TNKS2: variants seen among roughly 807,000 people sequenced by gnomAD.
The protein encoded by TNKS2 is tankyrase 2.
Under a neutral mutation model 137.6 loss-of-function variants are expected in TNKS2, and 72 were observed. That is an observed-to-expected ratio of 0.52 (90% CI 0.43 to 0.64). The LOEUF is 0.64. Among genes scored for constraint, TNKS2 ranks in the 30% least tolerant of loss-of-function variants. TNKS2 has a pLI of 0.00. For synonymous variants in TNKS2, 516 were observed against 512.1 expected (o/e 1.01, Z -0.10); for missense variants, 1,049 against 1,410.2 (o/e 0.74, Z 4.10).
intron 1 of TNKS2, among the ~76,000 whole-genome samples, chr10:91,805,422 A>G (rs1844295826): frequency 6.6e-6 from 1 of 152,134 alleles, no homozygotes; most frequent in Non-Finnish European, 1.5e-5. Context: ...TTCTACCCAT[A>G]TCGATCGCCT....
chr10:91,828,233 A>AAT, intron 8 of TNKS2, 52 bp from the exon 9 acceptor site: 1 of 1,415,124 alleles, frequency 7.1e-7, no homozygotes, highest in Non-Finnish European at 9.3e-7. Context: ...CTTTTAGATA[A>AAT]GGCTTTTCAA....
intron 1 of TNKS2, among the ~76,000 whole-genome samples, chr10:91,809,472 T>C (rs1027213828): frequency 1.0e-3 from 154 of 151,944 alleles, no homozygotes; most frequent in African/African-American, 3.3e-3. Flanking sequence ...CGAGACCATC[T>C]TGGCTAACAC....
chr10:91,839,314 A>G (rs1842136961), intron 13 of TNKS2, among the ~76,000 whole-genome samples: 2 of 150,926 alleles, frequency 1.3e-5, no homozygotes, highest in Admixed American at 1.3e-4. Context: ...AATTCTCCCC[A>G]GGACTGTATA....
intron 3 of TNKS2, 120 bp downstream of exon 3, chr10:91,817,349 A>G (rs949948911): frequency 3.6e-5 from 20 of 552,578 alleles, no homozygotes; most frequent in Admixed American, 1.7e-4. Context: ...TCAGTTCAGT[A>G]GCTATCCTTT....
At chr10:91,803,743 C>T (rs556735591) in intron 1 of TNKS2, among the ~76,000 whole-genome samples, 10 of 152,206 alleles carry the variant, frequency 6.6e-5, no homozygotes, top group Non-Finnish European at 1.2e-4. Flanking sequence ...TTATACCTTC[C>T]AATCTCCCAG....
chr10:91,854,409 A>T (rs1842642211), intron 21 of TNKS2, among the ~76,000 whole-genome samples: 1 of 152,174 alleles, frequency 6.6e-6, no homozygotes, highest in African/African-American at 2.4e-5. Context: ...ACTGGTTTTG[A>T]TCCTAGAACA....
In TNKS2 at chr10:91,863,582, T is replaced by C. The variant is rs1219562894; in HGVS notation, c.*583T>C. The C allele has an allele frequency of 1.3e-5, 2 of 152,328 alleles. No individual in the cohort carries two copies. Among genetic ancestry groups the C allele is most frequent in the Non-Finnish European group, 2.9e-5 (2 of 68,026 alleles). 9.4% of individuals were successfully genotyped at this position (152,328 alleles called of 1,614,324 possible). ...TCCAGAGGCTATGTTCAGTTGTTAG[T>C]TGGGAAAGATTGAGTTATCAGATTT... On this transcript the variant is annotated 3_prime_UTR_variant, in exon 27 of 27. Coordinates refer to ENST00000371627, the MANE Select transcript of TNKS2 (RefSeq NM_025235.4).
intron 1 of TNKS2, among the ~76,000 whole-genome samples, chr10:91,799,244 C>G (rs894175803): frequency 1.3e-5 from 2 of 152,156 alleles, no homozygotes; most frequent in African/African-American, 4.8e-5. Flanking sequence ...GTTGATAGAC[C>G]TTATGATTTA....
intron 1 of TNKS2, among the ~76,000 whole-genome samples, chr10:91,804,615 G>A (rs1844268084): frequency 6.6e-6 from 1 of 152,186 alleles, no homozygotes; most frequent in South Asian, 2.1e-4. Context: ...TGGCCAGTGA[G>A]AACATGATCA....
At position 91,848,445 on chromosome 10, in the gene TNKS2, C is replaced by T. The variant is rs1458159460; in HGVS notation, c.2421C>T (p.Tyr807=). 2 of 1,614,100 alleles carry T rather than the reference C, an allele frequency of 1.2e-6. No individual in the cohort carries two copies. Among genetic ancestry groups the T allele is most frequent in the African/African-American group, 2.7e-5 (2 of 74,940 alleles). ...AMPPSALPSC[Y]KPQVLNGVRS... Reference sequence around the variant, plus strand: ...CCCCATCTGCTCTGCCCTCTTGTTACAAGCCTCAAGTGCTCAATGGTGTGA... The same window carrying T: ...CCCCATCTGCTCTGCCCTCTTGTTATAAGCCTCAAGTGCTCAATGGTGTGA... The change falls in exon 19 of 27, where the codon TAC becomes TAT. Residue 807 remains tyrosine, a synonymous_variant. Transcript: ENST00000371627.
intron 7 of TNKS2, among the ~76,000 whole-genome samples, chr10:91,823,628 C>G (rs527798695): frequency 4.6e-4 from 70 of 152,050 alleles, no homozygotes; most frequent in South Asian, 1.2e-3. Context: ...ACACCCAGTC[C>G]AAAACTTCCC....
At chr10:91,811,152 C>T (rs1190441215) in intron 1 of TNKS2, among the ~76,000 whole-genome samples, 15 of 151,806 alleles carry the variant, frequency 9.9e-5, no homozygotes, top group Admixed American at 9.8e-4. Flanking sequence ...TCTCGAACTC[C>T]TGACCTCGTG....
At chr10:91,826,628 A>G (rs1018789737) in intron 7 of TNKS2, among the ~76,000 whole-genome samples, 1 of 152,222 alleles carries the variant, frequency 6.6e-6, no homozygotes, top group Non-Finnish European at 1.5e-5. Context: ...ATTCTGGGGT[A>G]ATGAAAGTGT....
chr10:91,806,898 G>T (rs1044209654), intron 1 of TNKS2, among the ~76,000 whole-genome samples: 1 of 152,194 alleles, frequency 6.6e-6, no homozygotes, highest in Non-Finnish European at 1.5e-5. Context: ...AAATTTGCCA[G>T]AGAAACAATT....
chr10:91,842,045 A>G, intron 15 of TNKS2, 127 bp from the exon 16 acceptor site: 1 of 556,972 alleles, frequency 1.8e-6, no homozygotes, highest in Non-Finnish European at 3.2e-6. Flanking sequence ...AGTGATGTTA[A>G]CCTTCAAAGT....
intron 21 of TNKS2, among the ~76,000 whole-genome samples, chr10:91,852,177 G>A (rs1252506181): frequency 6.6e-6 from 1 of 151,556 alleles, no homozygotes; most frequent in Non-Finnish European, 1.5e-5. Flanking sequence ...GCAGTGAGTG[G>A]AGATCACACC....
intron 16 of TNKS2, among the ~76,000 whole-genome samples, chr10:91,842,954 GAATCATTATTCCAGGT>G (rs1842259738): frequency 6.6e-6 from 1 of 152,074 alleles, no homozygotes; most frequent in African/African-American, 2.4e-5. Flanking sequence ...TGTGCTTTGG[GAATCATTATTCCAGGT>G]AATCATTTTA....
chr10:91,814,475 T>G (rs1352981036), intron 2 of TNKS2, among the ~76,000 whole-genome samples: 1 of 152,160 alleles, frequency 6.6e-6, no homozygotes, highest in East Asian at 1.9e-4. Flanking sequence ...CATAGCTAAG[T>G]GTGCAGTGTT....
At chr10:91,862,229 T>C (rs1379144953) in intron 26 of TNKS2, 74 bp downstream of exon 26, 1 of 1,234,792 alleles carries the variant, frequency 8.1e-7, no homozygotes, top group Admixed American at 2.9e-5. Flanking sequence ...ATCTCTTGAA[T>C]TGACAAGACA....
Sources: gnomAD v4.1 joint callset for allele counts (sites outside exome capture counted in the v4.1 genomes callset) on GRCh38, gnomAD v4.1.1 for gene constraint, MANE v1.5 for transcripts, NCBI Gene and HGNC (gene_info 2026-07-23, HGNC 2026-07-21) for gene names.